TRAK1: variants seen among roughly 807,000 people sequenced by gnomAD.
TRAK1 encodes trafficking kinesin protein 1, also known as trafficking kinesin-binding protein 1.
Under a neutral mutation model 92.1 loss-of-function variants are expected in TRAK1, and 33 were observed. The observed-to-expected ratio is 0.36, with a 90% CI of 0.27 to 0.48. The LOEUF (loss-of-function observed/expected upper bound fraction) is 0.48. TRAK1 is among the 20% of genes least tolerant of loss of function. The pLI is 0.99. For synonymous variants in TRAK1, 521 were observed against 517.3 expected, an observed-to-expected ratio of 1.01 and a Z score of -0.10; for missense variants, 1,123 against 1,257.9, an observed-to-expected ratio of 0.89 and a Z score of 1.62.
intron 3 of TRAK1, among the ~76,000 whole-genome samples, chr3:42,179,421 G>T (rs1703691990): frequency 6.6e-6 from 1 of 152,338 alleles, no homozygotes; most frequent in South Asian, 2.1e-4. Flanking sequence ...CCACCAGCGT[G>T]GAGAGTTCGC....
upstream of TRAK1, among the ~76,000 whole-genome samples, chr3:42,090,117 C>T (rs868069627): frequency 2.0e-4 from 30 of 152,250 alleles, no homozygotes; most frequent in Middle Eastern, 3.4e-3. Flanking sequence ...ATTGGCTGTA[C>T]ACCGAGGTTA....
chr3:42,165,226 C>T (rs1373104426), intron 2 of TRAK1, among the ~76,000 whole-genome samples: 7 of 152,106 alleles, frequency 4.6e-5, no homozygotes, highest in Non-Finnish European at 7.3e-5. Flanking sequence ...ATGCATTCCA[C>T]TTTCCTTAGG....
chr3:42,159,475 A>G (rs975391599), intron 2 of TRAK1, among the ~76,000 whole-genome samples: 1 of 152,156 alleles, frequency 6.6e-6, no homozygotes, highest in Non-Finnish European at 1.5e-5. Flanking sequence ...GTATAGAGGA[A>G]TTGATATCAA....
intron 12 of TRAK1, among the ~76,000 whole-genome samples, chr3:42,201,718 A>T (rs918764905): frequency 6.6e-6 from 1 of 151,382 alleles, no homozygotes; most frequent in African/African-American, 2.4e-5. Context: ...GCTGAGGAGG[A>T]CTCAGGCTGT....
At chr3:42,178,945 A>G (rs1027051539) in intron 3 of TRAK1, among the ~76,000 whole-genome samples, 3 of 152,138 alleles carry the variant, frequency 2.0e-5, no homozygotes, top group African/African-American at 7.2e-5. Context: ...ACTGCACTCC[A>G]CCTGGGCACC....
chr3:42,139,269 T>G lies in TRAK1; in HGVS notation c.286+13655T>G, dbSNP rs1424516996. ...AGTGAGCCCTGAGAATTGTGCCTTC[T>G]CTTCTCTTACTGCTCACGTATGCGG... On this transcript the variant is annotated intron_variant, in intron 2 of 15. Coordinates refer to ENST00000327628, the MANE Select transcript of TRAK1 (RefSeq NM_001042646.3). Among the ~76,000 whole-genome samples the G allele has an allele frequency of 4.6e-5, 7 of 152,308 alleles. No homozygotes were observed. The East Asian group carries it at 1.4e-3, about 29-fold the overall frequency.
intron 1 of TRAK1, among the ~76,000 whole-genome samples, chr3:42,050,876 A>G (rs193032211): frequency 1.3e-5 from 2 of 152,082 alleles, no homozygotes; most frequent in African/African-American, 4.8e-5. Flanking sequence ...CAGGCTGGTC[A>G]TTATTATATC....
chr3:42,018,089 A>AAG (rs1391540489), intron 1 of TRAK1, among the ~76,000 whole-genome samples: 1 of 145,680 alleles, frequency 6.9e-6, no homozygotes, highest in African/African-American at 2.6e-5. Flanking sequence ...CATTGTTACA[A>AAG]AAAAAAAAAA....
At chr3:42,199,515 G>T (rs1454890785) in intron 11 of TRAK1, among the ~76,000 whole-genome samples, 1 of 152,188 alleles carries the variant, frequency 6.6e-6, no homozygotes, top group African/African-American at 2.4e-5. Flanking sequence ...GAGTGCAGTG[G>T]TGTGATCATA....
At chr3:42,096,548 A>G (rs545408167) in intron 1 of TRAK1, among the ~76,000 whole-genome samples, 1 of 152,236 alleles carries the variant, frequency 6.6e-6, no homozygotes, top group South Asian at 2.1e-4. Context: ...GCCACCGCGC[A>G]TGGCCAAACA....
intron 13 of TRAK1, among the ~76,000 whole-genome samples, chr3:42,207,522 A>G (rs1708469248): frequency 6.6e-6 from 1 of 152,322 alleles, no homozygotes; most frequent in Middle Eastern, 3.4e-3. Flanking sequence ...TTGGAAAGTT[A>G]TCTAACTTCA....
intron 13 of TRAK1, among the ~76,000 whole-genome samples, chr3:42,208,301 G>C (rs190111401): frequency 6.6e-6 from 1 of 152,074 alleles, no homozygotes; most frequent in Admixed American, 6.5e-5. Context: ...ACATGTATTG[G>C]CAGTGTGCAC....
chr3:42,040,347 A>G (rs930692951), intron 1 of TRAK1, among the ~76,000 whole-genome samples: 12 of 152,226 alleles, frequency 7.9e-5, no homozygotes, highest in Non-Finnish European at 1.0e-4. Flanking sequence ...GCTAACTCAT[A>G]GGCATTTTGC....
chr3:42,051,630 T>C (rs1485040228), intron 1 of TRAK1: 1 of 152,262 alleles, frequency 6.6e-6, no homozygotes, highest in Non-Finnish European at 1.5e-5. Flanking sequence ...TGGCTGTCCT[T>C]TCTCCATATG....
At chr3:42,118,269 T>G (rs971046155) in intron 1 of TRAK1, among the ~76,000 whole-genome samples, 17 of 151,960 alleles carry the variant, frequency 1.1e-4, no homozygotes, top group African/African-American at 4.1e-4. Flanking sequence ...TTTTTGTATT[T>G]TTAGTAGAAA....
intron 1 of TRAK1, among the ~76,000 whole-genome samples, chr3:42,076,792 T>C (rs914561276): frequency 1.3e-5 from 2 of 152,128 alleles, no homozygotes; most frequent in Non-Finnish European, 2.9e-5. Context: ...TAGTCCATCT[T>C]GAGTTGATTT....
At chr3:42,066,013 C>T (rs1340303496) in intron 1 of TRAK1, among the ~76,000 whole-genome samples, 5 of 152,238 alleles carry the variant, frequency 3.3e-5, no homozygotes, top group African/African-American at 1.2e-4. Flanking sequence ...ACCCTTCCAA[C>T]AGAACAAACC....
At chr3:42,053,375 T>TGGGGG (rs760432112) in intron 1 of TRAK1, among the ~76,000 whole-genome samples, 3 of 50,678 alleles carry the variant, frequency 5.9e-5, no homozygotes, top group African/African-American at 5.3e-5. Flanking sequence ...CAGAGTCGGG[T>TGGGGG]GGGGGGGGGG....
At chr3:42,213,054 A>ATTTTTTTTTTTTTTTTTTTTTTTTTTTTT (rs34073573) in intron 14 of TRAK1, among the ~76,000 whole-genome samples, 2 of 113,072 alleles carry the variant, frequency 1.8e-5, no homozygotes, top group Non-Finnish European at 3.5e-5. Flanking sequence ...TGGAGCTGAG[A>ATTTTTTTTTTTTTTTTTTTTTTTTTTTTT]TTTTTTTTTT....
Sources: allele counts gnomAD v4.1 joint callset (sites outside exome capture counted in the v4.1 genomes callset), GRCh38; gene constraint gnomAD v4.1.1; transcripts MANE v1.5; gene names NCBI Gene and HGNC (gene_info 2026-07-23, HGNC 2026-07-21).